The following ARIH2 variants were observed in gnomAD, a reference collection of about 807,000 sequenced individuals.
ARIH2 encodes the protein ariadne RBR E3 ubiquitin protein ligase 2, also known as E3 ubiquitin-protein ligase ARIH2.
A neutral mutation model predicts 79.8 loss-of-function variants in ARIH2; 12 were observed. The ratio of observed to expected loss-of-function variants is 0.15; its 90% CI spans 0.10 to 0.24. ARIH2 has a LOEUF of 0.24. ARIH2 is among the 10% of genes least tolerant of loss of function. ARIH2 has a pLI of 1.00. For synonymous variants in ARIH2, 224 were observed against 213.9 expected, an observed-to-expected ratio of 1.05 and a Z score of -0.41; for missense variants, 301 against 618.3, an observed-to-expected ratio of 0.49 and a Z score of 5.44.
At chr3:48,941,078 A>G (rs1019656851) in intron 3 of ARIH2, among the ~76,000 whole-genome samples, 2 of 151,398 alleles carry the variant, frequency 1.3e-5, no homozygotes, top group Admixed American at 1.3e-4. Flanking sequence ...AGGCTGAAGC[A>G]GGAGAATGGC....
In ARIH2 at chr3:48,918,989, G is replaced by T. The variant is rs763150173; in HGVS notation, c.-171G>T. On this transcript the variant is annotated 5_prime_UTR_variant, in exon 1 of 16. Transcript: ENST00000356401. ...GTTCGGGCTCAGCGGCCGCGAGGCC[G>T]CAGCTCCCGGTAAGTGCGCGGCGCA... is the stretch of plus-strand genomic sequence containing the variant. 2.8e-6 allele frequency: 4 copies of T among 1,447,688 alleles called. No individual in the cohort carries two copies. The East Asian group carries it at 1.0e-4, about 36-fold the overall frequency. The allele number at this position is 1,447,688 out of a possible 1,614,324, so 89.7% of individuals were successfully genotyped here. A position where few individuals can be genotyped will look rare whatever the true frequency, so the allele number is the denominator to read the frequency against.
intron 11 of ARIH2, among the ~76,000 whole-genome samples, chr3:48,978,781 G>C (rs1379275312): frequency 1.3e-5 from 2 of 151,630 alleles, no homozygotes; most frequent in African/African-American, 4.8e-5. Flanking sequence ...GGCCAACATG[G>C]TGAAACCCCA....
chr3:48,950,102 T>A (rs2089756750), intron 3 of ARIH2, among the ~76,000 whole-genome samples: 1 of 152,198 alleles, frequency 6.6e-6, no homozygotes, highest in African/African-American at 2.4e-5. Context: ...AATTTTTGTG[T>A]GGTATGAAGT....
chr3:48,982,282 T>G (rs2092777483), intron 14 of ARIH2, among the ~76,000 whole-genome samples: 1 of 152,224 alleles, frequency 6.6e-6, no homozygotes, highest in Non-Finnish European at 1.5e-5. Flanking sequence ...ATATAACATT[T>G]TATTGTTATA....
chr3:48,955,508 A>G (rs1369810634), intron 3 of ARIH2, among the ~76,000 whole-genome samples: 3 of 152,182 alleles, frequency 2.0e-5, no homozygotes, highest in African/African-American at 7.2e-5. Context: ...TTCTACTGAA[A>G]GGTTTTCTCT....
chr3:48,953,286 G>T lies in ARIH2; in HGVS notation c.256-8326G>T, dbSNP rs188165866. Among the ~76,000 whole-genome samples, 284 of 152,210 alleles carry T rather than the reference G, an allele frequency of 1.9e-3. 3 individuals are homozygous for T. Among genetic ancestry groups the T allele is most frequent in the African/African-American group, 6.3e-3 (260 of 41,520 alleles). On this transcript the variant is annotated intron_variant, in intron 3 of 15. Transcript: ENST00000356401. Reference sequence around the variant, plus strand: ...TGAAATCAACATCTTATCAAATTATGAGCCAAACTGAATTAAAATCAGGAA... The same window carrying T: ...TGAAATCAACATCTTATCAAATTATTAGCCAAACTGAATTAAAATCAGGAA...
intron 3 of ARIH2, among the ~76,000 whole-genome samples, chr3:48,952,740 A>C (rs946779086): frequency 1.3e-5 from 2 of 152,162 alleles, no homozygotes; most frequent in African/African-American, 4.8e-5. Flanking sequence ...GGAAGAGCAC[A>C]GAGTACCTGA....
intron 4 of ARIH2, 88 bp from the exon 5 acceptor site, chr3:48,964,831 C>G (rs951212257): frequency 6.8e-6 from 7 of 1,027,858 alleles, no homozygotes; most frequent in Non-Finnish European, 7.5e-6. Flanking sequence ...CAAAGATGCT[C>G]TAAACATCTT....
intron 3 of ARIH2, among the ~76,000 whole-genome samples, chr3:48,958,126 C>G (rs1332666107): frequency 6.6e-6 from 1 of 152,132 alleles, no homozygotes; most frequent in African/African-American, 2.4e-5. Flanking sequence ...AGTTTGAGAC[C>G]TGCCTGAGCA....
rs1164499319 is a variant in ARIH2, at chr3:48,940,804, A to ATATATAT, written c.255+12991_255+12992insTATATAT. On this transcript the variant is annotated intron_variant, in intron 3 of 15. Coordinates refer to ENST00000356401, the MANE Select transcript of ARIH2 (RefSeq NM_006321.4). The stretch of plus-strand genomic sequence containing the variant: ...AGGGAGACTCCGTCTCAAAAAAAAA[A>ATATATAT]AAAAATATATATATATATATATATA... 2.1e-3 allele frequency among the ~76,000 whole-genome samples: 214 copies of ATATATAT among 101,038 alleles called. 2 individuals carry two copies. The highest frequency in any genetic ancestry group is 7.1e-3 in the African/African-American group (209 of 29,326). 66.3% of individuals were successfully genotyped at this position (101,038 alleles called of 152,430 possible).
chr3:48,973,631 A>G (rs1013544188), intron 8 of ARIH2, 68 bp from the exon 9 acceptor site: 1 of 1,235,900 alleles, frequency 8.1e-7, no homozygotes, highest in Non-Finnish European at 1.2e-6. Context: ...GCTTGGATAA[A>G]AGGAAAATTT....
At chr3:48,949,361 G>T (rs556910043) in intron 3 of ARIH2, among the ~76,000 whole-genome samples, 85 of 152,244 alleles carry the variant, frequency 5.6e-4, no homozygotes, top group African/African-American at 1.9e-3. Context: ...CTCGTGATCC[G>T]CCTGCCTTGG....
At chr3:48,961,442 A>C (rs921152732) in intron 3 of ARIH2, among the ~76,000 whole-genome samples, 170 bp from the exon 4 acceptor site, 7 of 152,248 alleles carry the variant, frequency 4.6e-5, no homozygotes, top group Non-Finnish European at 1.0e-4. Flanking sequence ...GAAATCACTA[A>C]GATTGTAAGA....
intron 11 of ARIH2, among the ~76,000 whole-genome samples, chr3:48,975,550 G>A (rs1050157776): frequency 8.6e-5 from 13 of 151,954 alleles, no homozygotes; most frequent in Non-Finnish European, 5.9e-5. Context: ...TGCTCAACAG[G>A]AGCCCCTGAC....
intron 9 of ARIH2, 58 bp from the exon 10 acceptor site, chr3:48,974,759 T>C (rs971725328): frequency 1.3e-6 from 2 of 1,587,890 alleles, no homozygotes; most frequent in Non-Finnish European, 1.7e-6. Context: ...TTTGTGTAAT[T>C]TGTCTTAAAA....
chr3:48,985,966 G>A lies in ARIH2; in HGVS notation c.*2696G>A, dbSNP rs1435235547. ...TCACGGGAGCCCTAAGGGTTATGAAGAGACAACTTGGGGCAGAAACAAGTG... is the reference window on the plus strand; with the variant it reads ...TCACGGGAGCCCTAAGGGTTATGAAAAGACAACTTGGGGCAGAAACAAGTG... On this transcript the variant is annotated 3_prime_UTR_variant, in exon 16 of 16. Transcript: ENST00000356401. 2 of 152,260 alleles carry A rather than the reference G, an allele frequency of 1.3e-5. No homozygotes were observed. The highest frequency in any genetic ancestry group is 4.8e-5 in the African/African-American group (2 of 41,448). 9.4% of individuals were successfully genotyped at this position (152,260 alleles called of 1,614,324 possible).
intron 3 of ARIH2, among the ~76,000 whole-genome samples, chr3:48,956,702 A>G (rs1285494163): frequency 6.8e-6 from 1 of 146,564 alleles, no homozygotes; most frequent in Non-Finnish European, 1.5e-5. Context: ...GTGTGTATTT[A>G]TTTTTTATTT....
intron 2 of ARIH2, chr3:48,926,596 G>A (rs2085652020): frequency 6.6e-6 from 1 of 151,520 alleles, no homozygotes; most frequent in Non-Finnish European, 1.5e-5. Flanking sequence ...TGTCATCCAG[G>A]CTAGAGTGCA....
At chr3:48,968,232 G>T (rs2091935601) in intron 6 of ARIH2, 3 of 144,670 alleles carry the variant, frequency 2.1e-5, no homozygotes, top group Admixed American at 1.4e-4. Context: ...TTTTGAGACG[G>T]AGTCTCGCTC....
Sources: gnomAD v4.1 joint callset for allele counts (sites outside exome capture counted in the v4.1 genomes callset) on GRCh38, gnomAD v4.1.1 for gene constraint, MANE v1.5 for transcripts, NCBI Gene and HGNC (gene_info 2026-07-23, HGNC 2026-07-21) for gene names.